SOS2: variants seen among roughly 807,000 people sequenced by gnomAD.
SOS2 encodes the protein SOS Ras/Rho guanine nucleotide exchange factor 2.
SOS2 carries 65 observed loss-of-function variants against 148.2 expected under a neutral mutation model. The ratio of observed to expected loss-of-function variants is 0.44; its 90% CI spans 0.36 to 0.54. The LOEUF (loss-of-function observed/expected upper bound fraction) is 0.54. Among genes scored for constraint, SOS2 ranks in the 20% least tolerant of loss-of-function variants. The probability of loss-of-function intolerance (pLI) is 0.00; values close to 1 mark genes in which losing one functional copy is unlikely to be tolerated. For synonymous variants in SOS2, 539 were observed against 537.1 expected (o/e 1.00, Z -0.05); for missense variants, 1,341 against 1,590.2 (o/e 0.84, Z 2.67).
At chr14:50,206,696 A>G (rs536145081) in intron 1 of SOS2, among the ~76,000 whole-genome samples, 1 of 152,346 alleles carries the variant, frequency 6.6e-6, no homozygotes, top group South Asian at 2.1e-4. Flanking sequence ...TTTCACCTTA[A>G]GAATCTAGAA....
At chr14:50,131,334 G>C (rs528842193) in intron 19 of SOS2, among the ~76,000 whole-genome samples, 2 of 152,128 alleles carry the variant, frequency 1.3e-5, no homozygotes, top group African/African-American at 2.4e-5. Flanking sequence ...GATCTCAACT[G>C]TGCCAATATC....
Position 50,180,581 on chromosome 14 carries a change from T to C in SOS2, c.960A>G (p.Leu320=), listed in dbSNP as rs1176038658. The change falls in exon 7 of 23, where the codon CTA becomes CTG. Residue 320 remains leucine, a synonymous_variant. Coordinates refer to ENST00000216373, the MANE Select transcript of SOS2 (RefSeq NM_006939.4). ...NKLMARPAVA[L]HFQSIADGFK... is the part of the protein sequence containing the mutation. ...TTCAATTTAAGTTTACCTGAAAGTG[T>C]AGAGCAACTGCAGGTCTGGCCATCA... 1 of 1,466,768 alleles carries C rather than the reference T, an allele frequency of 6.8e-7. No individual in the cohort carries two copies. The highest frequency in any genetic ancestry group is 9.3e-7 in the Non-Finnish European group (1 of 1,073,516). 90.9% of individuals were successfully genotyped at this position (1,466,768 alleles called of 1,614,324 possible).
chr14:50,186,752 C>A (rs900595509), intron 5 of SOS2, among the ~76,000 whole-genome samples: 2 of 152,068 alleles, frequency 1.3e-5, no homozygotes, highest in African/African-American at 4.8e-5. Flanking sequence ...AAAGTTCTGA[C>A]TACTTATGAT....
chr14:50,184,864 C>CAAA (rs34039045), intron 5 of SOS2, among the ~76,000 whole-genome samples: 26 of 57,128 alleles, frequency 4.6e-4, no homozygotes, highest in African/African-American at 1.4e-3. Context: ...ACCCTGTCTC[C>CAAA]AAAAAAAAAA....
rs374477701 is a variant in SOS2 at position 50,227,243 on chromosome 14, C to CTTTTTTTTTTTTTTTT, written c.87+3953_87+3954insAAAAAAAAAAAAAAAA. 9.8e-5 allele frequency among the ~76,000 whole-genome samples: 11 copies of CTTTTTTTTTTTTTTTT among 112,648 alleles called. 2 individuals carry two copies. The highest frequency in any genetic ancestry group is 1.0e-4 in the Non-Finnish European group (6 of 57,820). 73.9% of individuals were successfully genotyped at this position (112,648 alleles called of 152,430 possible). A position where few individuals can be genotyped will look rare whatever the true frequency, so the allele number is the denominator to read the frequency against. On this transcript the variant is annotated intron_variant, in intron 1 of 22. Transcript: ENST00000216373. The stretch of plus-strand genomic sequence containing the variant: ...TCTCTGTGTTTCTTTTTCTTTCTTT[C>CTTTTTTTTTTTTTTTT]TTTCTTTTTTTTTTTTTTTGAGACA...
At chr14:50,194,898 C>A (rs574050460) in intron 4 of SOS2, among the ~76,000 whole-genome samples, 62 of 151,990 alleles carry the variant, frequency 4.1e-4, no homozygotes, top group African/African-American at 1.5e-3. Flanking sequence ...TCAAAGGCAC[C>A]TGGCCTTTTC....
At position 50,159,720 on chromosome 14, in the gene SOS2, G is replaced by A. The variant is rs1444397818; in HGVS notation, c.1563C>T (p.Ser521=). 6.2e-7 allele frequency: 1 copy of A among 1,611,880 alleles called. No homozygotes were observed. Among genetic ancestry groups the A allele is most frequent in the Admixed American group, 1.7e-5 (1 of 59,938 alleles). ...CAGCAGACTTAGCAGCAAATATTAT[G>A]CTGTTCTCATCTTTGGATACTAATT... ...AFELVSKDEN[S]IIFAAKSAEE... is the part of the protein sequence containing the mutation. Residue 521 remains serine (S), a synonymous_variant, in exon 10 of 23, where the codon AGC becomes AGT. Transcript: ENST00000216373.
At chr14:50,214,858 C>T (rs147551499) in intron 1 of SOS2, among the ~76,000 whole-genome samples, 5,610 of 145,702 alleles carry the variant, frequency 0.039, 235 homozygotes, top group Admixed American at 0.12. Context: ...TTTTTTGAGA[C>T]GGAGTCTTGT....
At chr14:50,135,769 G>GTATTATGAAATACTGATGGA (rs1444296544) in intron 18 of SOS2, among the ~76,000 whole-genome samples, 2 of 146,052 alleles carry the variant, frequency 1.4e-5, no homozygotes, top group East Asian at 4.0e-4. Context: ...TAACTCTATA[G>GTATTATGAAATACTGATGGA]TATTTCATCA....
At chr14:50,219,481 TAATGACAGAA>T (rs1322052547) in intron 1 of SOS2, among the ~76,000 whole-genome samples, 8 of 152,092 alleles carry the variant, frequency 5.3e-5, no homozygotes, top group Non-Finnish European at 1.0e-4. Context: ...ATGCAATCGA[TAATGACAGAA>T]AACAGATTAG....
intron 4 of SOS2, among the ~76,000 whole-genome samples, chr14:50,197,999 C>CT (rs35683627): frequency 0.36 from 48,746 of 135,038 alleles, 9,044 homozygotes; most frequent in East Asian, 0.68. Flanking sequence ...GCTTTGCCAT[C>CT]TTTTTTTTTT....
intron 1 of SOS2, among the ~76,000 whole-genome samples, chr14:50,208,416 C>A (rs1595024906): frequency 1.3e-5 from 2 of 152,158 alleles, no homozygotes; most frequent in Non-Finnish European, 2.9e-5. Flanking sequence ...CTTTGGGAGG[C>A]TGAGACGGGG....
chr14:50,219,265 G>A (rs185418220), intron 1 of SOS2, among the ~76,000 whole-genome samples: 1 of 152,138 alleles, frequency 6.6e-6, no homozygotes, highest in African/African-American at 2.4e-5. Context: ...GCCAAGATCT[G>A]AAAAACTAAA....
At chr14:50,184,536 T>C (rs1885845961) in intron 5 of SOS2, among the ~76,000 whole-genome samples, 2 of 151,844 alleles carry the variant, frequency 1.3e-5, no homozygotes, top group Non-Finnish European at 2.9e-5. Context: ...ATAGGGCCAG[T>C]CACCAAAAAG....
At chr14:50,180,458 G>T in intron 7 of SOS2, 114 bp downstream of exon 7, 1 of 587,768 alleles carries the variant, frequency 1.7e-6, no homozygotes, top group Admixed American at 3.6e-5. Flanking sequence ...GAATGAACAA[G>T]ATTTGAAGGA....
At position 50,231,224 on chromosome 14, in the gene SOS2, C is replaced by T. The variant is rs765350260; in HGVS notation, c.60G>A (p.Arg20=). The T allele has an allele frequency of 6.0e-6, 9 of 1,512,580 alleles. No homozygotes were observed. The highest frequency in any genetic ancestry group is 3.7e-5 in the Admixed American group (2 of 54,394). The allele number at this position is 1,512,580 out of a possible 1,614,324, so 93.7% of individuals were successfully genotyped here. ...FFSEENSPKW[R]GLLVSALRKV... is the part of the protein sequence containing the mutation. ...TCCGCAGGGCCGAGACCAACAGTCC[C>T]CGCCATTTCGGACTGTTCTCCTCGC... is the stretch of plus-strand genomic sequence containing the variant. The change falls in exon 1 of 23, where the codon CGG becomes CGA. Residue 20 remains arginine, a synonymous_variant. Transcript: ENST00000216373.
rs182146110 is a variant in SOS2 at position 50,128,558 on chromosome 14, A to G, written c.3379+1403T>C. Among the ~76,000 whole-genome samples the G allele has an allele frequency of 4.6e-5, 7 of 152,356 alleles. No individual in the cohort carries two copies. In the East Asian group the frequency reaches 1.3e-3, roughly 29 times the overall value. On this transcript the variant is annotated intron_variant, in intron 21 of 22. Coordinates refer to ENST00000216373, the MANE Select transcript of SOS2 (RefSeq NM_006939.4). ...ATGTGGTTAAGTATAGGCAGGGTAG[A>G]CATGAAATTCTCATCCACCATAAGA...
In SOS2 at chr14:50,150,308, T is replaced by C; in HGVS notation, c.2162-78A>G. ...CAAATCTTCATTTAATCCTTAACTT[T>C]CACCCAGCCTCAACAGTTACCAACT... On this transcript the variant is annotated intron_variant, in intron 13 of 22. Coordinates refer to ENST00000216373, the MANE Select transcript of SOS2 (RefSeq NM_006939.4). 1.6e-5 allele frequency: 16 copies of C among 998,662 alleles called. No individual in the cohort carries two copies. In the South Asian group the frequency reaches 2.1e-4, roughly 13 times the overall value. 61.9% of individuals were successfully genotyped at this position (998,662 alleles called of 1,614,324 possible).
chr14:50,225,952 AAAACAAAC>A (rs10534429), intron 1 of SOS2, among the ~76,000 whole-genome samples: 1 of 151,564 alleles, frequency 6.6e-6, no homozygotes, highest in Non-Finnish European at 1.5e-5. Context: ...AGACCTATTC[AAAACAAAC>A]AAACAAACAA....
Sources: allele counts gnomAD v4.1 joint callset (sites outside exome capture counted in the v4.1 genomes callset), GRCh38; gene constraint gnomAD v4.1.1; transcripts MANE v1.5; gene names NCBI Gene and HGNC (gene_info 2026-07-23, HGNC 2026-07-21).